CPS1: variants seen among roughly 807,000 people sequenced by gnomAD.
The protein encoded by CPS1 is carbamoyl-phosphate synthase [ammonia], mitochondrial.
In CPS1, 109 loss-of-function variants were observed where a neutral mutation model predicts 174.6. The ratio of observed to expected loss-of-function variants is 0.62; its 90% CI spans 0.53 to 0.73. CPS1 has a LOEUF of 0.73. Among genes scored for constraint, CPS1 ranks in the 30% least tolerant of loss-of-function variants. The probability of loss-of-function intolerance (pLI) is 0.00; values close to 1 mark genes in which losing one functional copy is unlikely to be tolerated. For synonymous variants in CPS1, 637 were observed against 632.0 expected (o/e 1.01, Z -0.12); for missense variants, 1,689 against 1,821.9 (o/e 0.93, Z 1.33).
At chr2:210,575,351 G>T (rs1697658050) in intron 2 of CPS1, among the ~76,000 whole-genome samples, 1 of 151,920 alleles carries the variant, frequency 6.6e-6, no homozygotes, top group African/African-American at 2.4e-5. Context: ...AACTCATTTT[G>T]CAGAAAGTGG....
intron 15 of CPS1, among the ~76,000 whole-genome samples, chr2:210,601,821 C>T (rs929686370): frequency 6.6e-6 from 1 of 151,828 alleles, no homozygotes; most frequent in Non-Finnish European, 1.5e-5. Flanking sequence ...CAGCAGAGAA[C>T]CTGGTTTCAT....
At chr2:210,485,601 A>G (rs1410837587) in intron 1 of CPS1, among the ~76,000 whole-genome samples, 2 of 152,194 alleles carry the variant, frequency 1.3e-5, no homozygotes, top group Admixed American at 6.5e-5. Flanking sequence ...TGCAGGTATT[A>G]ATAGTCAATT....
chr2:210,655,733 A>G (rs1700683324), intron 29 of CPS1, among the ~76,000 whole-genome samples: 1 of 152,218 alleles, frequency 6.6e-6, no homozygotes, highest in Non-Finnish European at 1.5e-5. Context: ...CACAGAACAG[A>G]AGGATGGAAA....
At chr2:210,624,241 C>T (rs921193428) in intron 21 of CPS1, among the ~76,000 whole-genome samples, 5 of 152,020 alleles carry the variant, frequency 3.3e-5, no homozygotes, top group African/African-American at 9.7e-5. Flanking sequence ...CTCAGTTTCA[C>T]CCTAGTAAAA....
At chr2:210,620,404 A>C (rs1699471083) in intron 21 of CPS1, among the ~76,000 whole-genome samples, 1 of 152,234 alleles carries the variant, frequency 6.6e-6, no homozygotes, top group South Asian at 2.1e-4. Context: ...ATGATTACGT[A>C]TGAAGTCTCA....
chr2:210,567,009 A>G (rs1323617095), intron 1 of CPS1, among the ~76,000 whole-genome samples: 2 of 152,152 alleles, frequency 1.3e-5, no homozygotes, highest in Non-Finnish European at 2.9e-5. Flanking sequence ...GTACAACTGC[A>G]TATAGACTTT....
upstream of CPS1, chr2:210,556,368 G>T (rs545337486): frequency 2.1e-6 from 1 of 470,848 alleles, no homozygotes; most frequent in African/African-American, 2.0e-5. Context: ...TTTAGGATAA[G>T]GTTGTCCATG....
intron 1 of CPS1, among the ~76,000 whole-genome samples, chr2:210,569,120 G>A (rs569836117): frequency 9.9e-5 from 15 of 152,162 alleles, no homozygotes; most frequent in South Asian, 4.1e-4. Context: ...ACTGGTATAG[G>A]CTGGAGGTGC....
chr2:210,506,667 C>A lies in CPS1; in HGVS notation c.3+28901C>A, dbSNP rs993902903. Among the ~76,000 whole-genome samples the A allele has an allele frequency of 6.4e-4, 97 of 152,092 alleles. 1 individual carries two copies. Among genetic ancestry groups the A allele is most frequent in the Non-Finnish European group, 1.5e-4 (10 of 68,012 alleles). The stretch of plus-strand genomic sequence containing the variant: ...AAATGGCTAACTAGAATAACCAATG[C>A]AAAGAAGTCCTTAAAGGACCTGATG... On this transcript the variant is annotated intron_variant, in intron 1 of 38. Coordinates refer to the CPS1 transcript ENST00000430249.
chr2:210,541,181 A>G lies in CPS1; in HGVS notation c.4-15538A>G, dbSNP rs73073540. Among the ~76,000 whole-genome samples the G allele has an allele frequency of 9.8e-3, 1,488 of 152,296 alleles. 20 individuals are homozygous for G. Among genetic ancestry groups the G allele is most frequent in the African/African-American group, 0.034 (1,424 of 41,568 alleles). ...AGAGTCTGCATCACCTAATATTACA[A>G]GCATCTTTATTGAGACTGATAGAAG... On this transcript the variant is annotated intron_variant, in intron 1 of 38. Coordinates refer to the CPS1 transcript ENST00000430249.
chr2:210,587,978 A>G, intron 6 of CPS1, 80 bp from the exon 7 acceptor site: 4 of 1,210,072 alleles, frequency 3.3e-6, no homozygotes, highest in Admixed American at 1.7e-5. Context: ...AGTTCAAAAC[A>G]TTGTCAGATG....
Position 210,538,571 on chromosome 2 carries a change from A to G in CPS1, c.4-18148A>G, listed in dbSNP as rs376664621. The stretch of plus-strand genomic sequence containing the variant: ...TATTGGTGTTTTCTCAGGTAATGAC[A>G]TTGATCCCTATTTAATTACTATTGC... On this transcript the variant is annotated intron_variant, in intron 1 of 38. Transcript: ENST00000430249. Among the ~76,000 whole-genome samples the G allele has an allele frequency of 2.6e-5, 4 of 152,206 alleles. No homozygotes were observed. In the East Asian group the frequency reaches 7.7e-4, roughly 29 times the overall value.
intron 1 of CPS1, among the ~76,000 whole-genome samples, chr2:210,523,602 T>A (rs374526728): frequency 7.9e-5 from 12 of 152,102 alleles, no homozygotes; most frequent in African/African-American, 2.9e-4. Context: ...GGTCTTTGAT[T>A]TTCTGTGTCT....
chr2:210,543,904 G>A (rs986846060), intron 1 of CPS1, among the ~76,000 whole-genome samples: 1 of 151,968 alleles, frequency 6.6e-6, no homozygotes, highest in Admixed American at 6.6e-5. Context: ...CCCCCCTCCC[G>A]CAAGTTATTC....
At chr2:210,648,768 A>G (rs1700465945) in intron 27 of CPS1, among the ~76,000 whole-genome samples, 1 of 152,204 alleles carries the variant, frequency 6.6e-6, no homozygotes, top group Admixed American at 6.5e-5. Flanking sequence ...CTAGAAGTGT[A>G]GTGTAAGGCA....
chr2:210,594,429 T>C, intron 11 of CPS1, 79 bp from the exon 12 acceptor site: 3 of 958,390 alleles, frequency 3.1e-6, no homozygotes, highest in Non-Finnish European at 4.9e-6. Flanking sequence ...AAGTTCAAAT[T>C]TAACTGGGTA....
intron 1 of CPS1, among the ~76,000 whole-genome samples, chr2:210,515,525 T>A (rs953945995): frequency 6.6e-6 from 1 of 151,864 alleles, no homozygotes; most frequent in Admixed American, 6.6e-5. Flanking sequence ...GAATCTTTTG[T>A]ATTTCTGTGG....
At chr2:210,497,576 A>G (rs920823623) in intron 1 of CPS1, among the ~76,000 whole-genome samples, 2 of 151,816 alleles carry the variant, frequency 1.3e-5, no homozygotes, top group East Asian at 1.9e-4. Flanking sequence ...TTCAGTTTCT[A>G]TTGTTGCCAT....
At chr2:210,581,533 G>A (rs1458514937) in intron 5 of CPS1, among the ~76,000 whole-genome samples, 1 of 152,072 alleles carries the variant, frequency 6.6e-6, no homozygotes, top group Admixed American at 6.6e-5. Flanking sequence ...AGGGGAAGGA[G>A]AACTAAAAAC....
Sources: gnomAD v4.1 joint callset for allele counts (sites outside exome capture counted in the v4.1 genomes callset) on GRCh38, gnomAD v4.1.1 for gene constraint, MANE v1.5 for transcripts, NCBI Gene and HGNC (gene_info 2026-07-23, HGNC 2026-07-21) for gene names.